DNAH11: variants seen among roughly 807,000 people sequenced by gnomAD.
DNAH11 encodes the protein axonemal beta dynein heavy chain 11.
A neutral mutation model predicts 526.0 loss-of-function variants in DNAH11; 442 were observed. That is an observed-to-expected ratio of 0.84 (90% CI 0.78 to 0.91). The LOEUF (loss-of-function observed/expected upper bound fraction) is 0.91. Among genes scored for constraint, DNAH11 ranks in the 40% least tolerant of loss-of-function variants. The pLI, the probability that DNAH11 is intolerant of heterozygous loss-of-function variation, is 0.00. For synonymous variants in DNAH11, 2,461 were observed against 1,935.9 expected, an observed-to-expected ratio of 1.27 and a Z score of -7.12; for missense variants, 6,989 against 5,448.7, an observed-to-expected ratio of 1.28 and a Z score of -8.90.
intron 54 of DNAH11, among the ~76,000 whole-genome samples, chr7:21,760,368 G>C (rs1329244377): frequency 6.6e-6 from 1 of 152,082 alleles, no homozygotes; most frequent in Admixed American, 6.6e-5. Flanking sequence ...CTGTTCTTTT[G>C]GGGACCCGAC....
intron 29 of DNAH11, among the ~76,000 whole-genome samples, chr7:21,657,834 T>G (rs753034180): frequency 2.0e-5 from 3 of 152,130 alleles, no homozygotes; most frequent in Admixed American, 1.3e-4. Context: ...TCCTGTTTCT[T>G]TCAAGAGAGG....
Position 21,880,849 on chromosome 7 carries a change from A to G in DNAH11, c.12343A>G (p.Ile4115Val). 6.2e-7 allele frequency: 1 copy of G among 1,613,550 alleles called. No individual in the cohort carries two copies. Among genetic ancestry groups the G allele is most frequent in the South Asian group, 1.1e-5 (1 of 90,934 alleles). ...SYPFNPGDLT[I>V]CASVLYNYLE... ...TCCTTTTAATCCTGGAGACCTCACC[A>G]TTTGTGCCAGTGTCCTCTACAACTA... Residue 4115 changes from isoleucine (I) to valine (V), a missense_variant, in exon 75 of 82, where the codon ATT becomes GTT. By Grantham distance (29) the Ile-to-Val change is conservative. Transcript: ENST00000409508.
chr7:21,552,659 A>C (rs1385228315), intron 2 of DNAH11, among the ~76,000 whole-genome samples: 4 of 152,174 alleles, frequency 2.6e-5, no homozygotes, highest in Non-Finnish European at 5.9e-5. Context: ...CTTTTCTAAG[A>C]TTTGACGAAA....
At chr7:21,713,586 C>T (rs904864146) in intron 42 of DNAH11, among the ~76,000 whole-genome samples, 5 of 152,142 alleles carry the variant, frequency 3.3e-5, no homozygotes, top group African/African-American at 1.2e-4. Flanking sequence ...GGTACTGTCC[C>T]TTCCATTTCC....
chr7:21,774,446 G>C (rs1055160369), intron 56 of DNAH11, among the ~76,000 whole-genome samples: 3 of 152,054 alleles, frequency 2.0e-5, no homozygotes, highest in Non-Finnish European at 4.4e-5. Context: ...TTAGTGACTT[G>C]TCTGCTCCTC....
intron 61 of DNAH11, among the ~76,000 whole-genome samples, chr7:21,800,654 G>A (rs548523694): frequency 2.6e-5 from 4 of 152,184 alleles, no homozygotes; most frequent in African/African-American, 9.6e-5. Context: ...AGAAAAATCC[G>A]ATTGGCGAAG....
rs561265413 is a variant in DNAH11 at position 21,637,635 on chromosome 7, G to A, written c.4750G>A (p.Val1584Ile). The A allele has an allele frequency of 1.3e-6, 2 of 1,589,156 alleles. No individual in the cohort carries two copies. The highest frequency in any genetic ancestry group is 1.2e-5 in the South Asian group (1 of 86,742). Residue 1584 changes from valine (V) to isoleucine (I), a missense_variant, in exon 27 of 82, where the codon GTA (valine) becomes ATA (isoleucine). Physicochemically the swap from Val to Ile is conservative, Grantham distance 29. Coordinates refer to ENST00000409508, the MANE Select transcript of DNAH11 (RefSeq NM_001277115.2). ...GGAGTTAATGTTCAAGACAGCCAAA[G>A]TAGAAAATGTGTTAGAAGCAACGTG... ...FKELMFKTAK[V>I]ENVLEATCRP...
chr7:21,724,615 A>T (rs996440216), intron 44 of DNAH11, among the ~76,000 whole-genome samples: 1 of 150,026 alleles, frequency 6.7e-6, no homozygotes, highest in African/African-American at 2.5e-5. Flanking sequence ...TATAAGAGGT[A>T]CAGAGCCAGG....
chr7:21,590,659 C>T (rs991369525), intron 12 of DNAH11, among the ~76,000 whole-genome samples: 6 of 152,068 alleles, frequency 3.9e-5, no homozygotes, highest in African/African-American at 1.2e-4. Flanking sequence ...ACTGAGGATT[C>T]GTTCTACTTT....
At chr7:21,808,758 T>A (rs1181251661) in intron 63 of DNAH11, among the ~76,000 whole-genome samples, 1 of 152,218 alleles carries the variant, frequency 6.6e-6, no homozygotes. Flanking sequence ...TGCATGTATA[T>A]CATGTTTTCT....
intron 68 of DNAH11, 77 bp downstream of exon 68, chr7:21,854,532 T>C: frequency 7.4e-7 from 1 of 1,358,940 alleles, no homozygotes; most frequent in Non-Finnish European, 1.0e-6. Context: ...ATTTATTTTA[T>C]TATTGATAAT....
intron 35 of DNAH11, among the ~76,000 whole-genome samples, chr7:21,694,211 T>G (rs1783749385): frequency 6.6e-6 from 1 of 152,216 alleles, no homozygotes; most frequent in Non-Finnish European, 1.5e-5. Flanking sequence ...CTTTAAGTTC[T>G]GGGATACATG....
At chr7:21,843,412 G>C (rs1319307391) in intron 66 of DNAH11, among the ~76,000 whole-genome samples, 1 of 151,830 alleles carries the variant, frequency 6.6e-6, no homozygotes, top group East Asian at 1.9e-4. Context: ...AGGCAAGTAA[G>C]GGAAGACAAA....
intron 30 of DNAH11, among the ~76,000 whole-genome samples, chr7:21,675,848 A>C (rs1202486206): frequency 6.6e-6 from 1 of 152,218 alleles, no homozygotes; most frequent in Non-Finnish European, 1.5e-5. Context: ...AGTTCCATAA[A>C]GATAATAAAA....
At chr7:21,837,934 C>A (rs1051207920) in intron 65 of DNAH11, among the ~76,000 whole-genome samples, 1 of 152,224 alleles carries the variant, frequency 6.6e-6, no homozygotes, top group Admixed American at 6.5e-5. Context: ...TGAAACATCT[C>A]ATGGGGCCCC....
intron 42 of DNAH11, among the ~76,000 whole-genome samples, chr7:21,714,717 G>A (rs79840599): frequency 0.012 from 1,854 of 152,182 alleles, 38 homozygotes; most frequent in African/African-American, 0.043. Flanking sequence ...AGCCAGAGAC[G>A]CTTTTCCTGC....
chr7:21,851,545 G>A (rs1280509636), intron 66 of DNAH11: 1 of 471,484 alleles, frequency 2.1e-6, no homozygotes, highest in East Asian at 7.0e-5. Context: ...TTCCCTCTGA[G>A]CTTATGTCAT....
intron 30 of DNAH11, among the ~76,000 whole-genome samples, chr7:21,664,032 A>G (rs1046200378): frequency 6.6e-6 from 1 of 151,794 alleles, no homozygotes; most frequent in Non-Finnish European, 1.5e-5. Flanking sequence ...GCACTAACTT[A>G]CATTCCCACC....
At position 21,808,114 on chromosome 7, in the gene DNAH11, CCA is replaced by C. The variant is rs1789353686; in HGVS notation, c.10332+68_10332+69del. 9.4e-6 allele frequency: 12 copies of C among 1,279,548 alleles called. No homozygotes were observed. The East Asian group carries it at 3.3e-4, about 36-fold the overall frequency. 79.3% of individuals were successfully genotyped at this position (1,279,548 alleles called of 1,614,324 possible). On this transcript the variant is annotated intron_variant, in intron 63 of 81. Coordinates refer to ENST00000409508, the MANE Select transcript of DNAH11 (RefSeq NM_001277115.2). ...CACATTGAAATTTCAGTAGTAAAAC[CCA>C]CATATATGCCAGGCGCTTTTGGACG...
Sources: allele counts gnomAD v4.1 joint callset (sites outside exome capture counted in the v4.1 genomes callset), GRCh38; gene constraint gnomAD v4.1.1; transcripts MANE v1.5; gene names NCBI Gene and HGNC (gene_info 2026-07-23, HGNC 2026-07-21).